The following PRR16 variants were observed in gnomAD, a reference collection of about 807,000 sequenced individuals.
PRR16 encodes protein Largen.
Under a neutral mutation model 18.2 loss-of-function variants are expected in PRR16, and 6 were observed. The ratio of observed to expected loss-of-function variants is 0.33; its 90% CI spans 0.18 to 0.65. The LOEUF (loss-of-function observed/expected upper bound fraction) is 0.65. Among genes scored for constraint, PRR16 ranks in the 30% least tolerant of loss-of-function variants. The pLI, the probability that PRR16 is intolerant of heterozygous loss-of-function variation, is 0.74. For synonymous variants in PRR16, 151 were observed against 147.8 expected (o/e 1.02, Z -0.16); for missense variants, 412 against 376.6 (o/e 1.09, Z -0.78).
the PRR16 span, among the ~76,000 whole-genome samples, chr5:120,761,618 A>G: frequency 6.6e-6 from 1 of 152,182 alleles, no homozygotes; most frequent in Non-Finnish European, 1.5e-5. Context: ...ATATTTGTAC[A>G]TACTAATGTG....
At chr5:120,681,690 A>G (rs940801524) in intron 1 of PRR16, among the ~76,000 whole-genome samples, 3 of 152,152 alleles carry the variant, frequency 2.0e-5, no homozygotes, top group Non-Finnish European at 4.4e-5. Context: ...TTTGTTGTCT[A>G]AAAATGTCTA....
intron 1 of PRR16, among the ~76,000 whole-genome samples, chr5:120,676,463 A>G (rs1756800369): frequency 6.6e-6 from 1 of 151,868 alleles, no homozygotes; most frequent in African/African-American, 2.4e-5. Flanking sequence ...TTGGGTCTCT[A>G]ACAACATCAA....
In PRR16 at chr5:120,627,630, A is replaced by T. The variant is rs991054739; in HGVS notation, c.160-58324A>T. On this transcript the variant is annotated intron_variant, in intron 1 of 1. Transcript: ENST00000407149. The stretch of plus-strand genomic sequence containing the variant: ...CTGGGCTTTAAGCTTTGTGAAAAAA[A>T]ATAGGAAAGTATTATAGATTATTTA... 5.3e-5 allele frequency among the ~76,000 whole-genome samples: 8 copies of T among 152,106 alleles called. No individual in the cohort carries two copies. In the East Asian group the frequency reaches 9.6e-4, roughly 18 times the overall value.
chr5:120,626,720 CA>C (rs1418079080), intron 1 of PRR16, among the ~76,000 whole-genome samples: 3 of 152,034 alleles, frequency 2.0e-5, no homozygotes, highest in African/African-American at 7.2e-5. Context: ...TTAAATTTTA[CA>C]ATTCATTGTA....
In PRR16 at chr5:120,521,171, A is replaced by G. The variant is rs753453109; in HGVS notation, c.159+56526A>G. 1.1e-3 allele frequency among the ~76,000 whole-genome samples: 164 copies of G among 152,290 alleles called. 1 individual carries two copies. The highest frequency in any genetic ancestry group is 1.9e-3 in the Non-Finnish European group (128 of 68,018). ...CAAACCAAGGATACAGGATTCCCCA[A>G]TGAAAGGAGCATAACCTTGGATGAG... On this transcript the variant is annotated intron_variant, in intron 1 of 1. Coordinates refer to ENST00000407149, the MANE Select transcript of PRR16 (RefSeq NM_001300783.2).
At chr5:120,523,579 A>T (rs953319937) in intron 1 of PRR16, among the ~76,000 whole-genome samples, 2 of 152,130 alleles carry the variant, frequency 1.3e-5, no homozygotes, top group African/African-American at 4.8e-5. Flanking sequence ...AGAAAAAATT[A>T]TTTTAAATTC....
At chr5:120,656,580 CA>C (rs1755986182) in intron 1 of PRR16, among the ~76,000 whole-genome samples, 1 of 151,136 alleles carries the variant, frequency 6.6e-6, no homozygotes, top group South Asian at 2.1e-4. Flanking sequence ...TTAGTTGTGA[CA>C]AAAAATATGC....
At chr5:120,764,366 A>G in the PRR16 span, among the ~76,000 whole-genome samples, 1 of 151,952 alleles carries the variant, frequency 6.6e-6, no homozygotes, top group African/African-American at 2.4e-5. Flanking sequence ...CACATTTATC[A>G]ATTTGTCTAT....
At chr5:120,502,200 T>A (rs1396878423) in intron 1 of PRR16, among the ~76,000 whole-genome samples, 1 of 151,008 alleles carries the variant, frequency 6.6e-6, no homozygotes, top group Non-Finnish European at 1.5e-5. Context: ...AAATTTTAAA[T>A]AAAAGAGTAT....
the PRR16 span, among the ~76,000 whole-genome samples, chr5:120,694,664 G>A: frequency 8.3e-4 from 118 of 141,966 alleles, no homozygotes; most frequent in South Asian, 2.7e-3. Context: ...CAGCCTGGGC[G>A]ACAGCGAGAC....
chr5:120,560,181 T>G (rs1337372740), intron 1 of PRR16, among the ~76,000 whole-genome samples: 1 of 151,828 alleles, frequency 6.6e-6, no homozygotes, highest in Non-Finnish European at 1.5e-5. Context: ...TGTTGAATAA[T>G]GGTGGTGAAT....
Position 120,686,133 on chromosome 5 carries a change from C to A in PRR16, c.339C>A (p.Ile113=). 1 of 1,614,136 alleles carries A rather than the reference C, an allele frequency of 6.2e-7. No individual in the cohort carries two copies. Among genetic ancestry groups the A allele is most frequent in the South Asian group, 1.1e-5 (1 of 91,082 alleles). ...AACCCCCAGCACACCCGTCTGCTATCCTCACGGTCCTGAGAAAGCCAAACC... is the reference window on the plus strand; with the variant it reads ...AACCCCCAGCACACCCGTCTGCTATACTCACGGTCCTGAGAAAGCCAAACC... The part of the protein sequence containing the change: ...LIKPPAHPSA[I]LTVLRKPNPP... The change falls in exon 2 of 2, where the codon ATC becomes ATA. Residue 113 remains isoleucine (I), a synonymous_variant. Transcript: ENST00000407149.
chr5:120,698,745 T>G, the PRR16 span, among the ~76,000 whole-genome samples: 1 of 152,104 alleles, frequency 6.6e-6, no homozygotes, highest in African/African-American at 2.4e-5. Context: ...GGTAAAAGTA[T>G]TGTCCAGTCC....
At chr5:120,794,472 T>G in the PRR16 span, among the ~76,000 whole-genome samples, 1 of 152,168 alleles carries the variant, frequency 6.6e-6, no homozygotes, top group African/African-American at 2.4e-5. Context: ...TATTATTATA[T>G]GTGTTATGGT....
intron 1 of PRR16, among the ~76,000 whole-genome samples, chr5:120,478,257 C>T (rs1331922837): frequency 6.6e-6 from 1 of 152,134 alleles, no homozygotes; most frequent in Non-Finnish European, 1.5e-5. Flanking sequence ...AGAGAAGGAA[C>T]AAGAAATAGA....
intron 1 of PRR16, among the ~76,000 whole-genome samples, chr5:120,652,221 C>T (rs1173005103): frequency 5.3e-5 from 8 of 151,670 alleles, no homozygotes; most frequent in African/African-American, 1.9e-4. Flanking sequence ...GAAATATTTG[C>T]AATGGTGTCT....
chr5:120,728,472 A>G, the PRR16 span, among the ~76,000 whole-genome samples: 4 of 152,220 alleles, frequency 2.6e-5, no homozygotes, highest in African/African-American at 9.6e-5. Context: ...AAGTGATGTT[A>G]AGGGTATTTT....
At chr5:120,526,295 C>T (rs1328700990) in intron 1 of PRR16, among the ~76,000 whole-genome samples, 1 of 152,154 alleles carries the variant, frequency 6.6e-6, no homozygotes, top group Admixed American at 6.5e-5. Context: ...AGTAAGAACA[C>T]GAATTAGGGC....
At chr5:120,651,208 A>C (rs941900247) in intron 1 of PRR16, among the ~76,000 whole-genome samples, 15 of 151,942 alleles carry the variant, frequency 9.9e-5, no homozygotes, top group Non-Finnish European at 1.8e-4. Context: ...GTTTGAGTTC[A>C]TTGTAGATTC....
Sources: allele counts gnomAD v4.1 joint callset (sites outside exome capture counted in the v4.1 genomes callset), GRCh38; gene constraint gnomAD v4.1.1; transcripts MANE v1.5; gene names NCBI Gene and HGNC (gene_info 2026-07-23, HGNC 2026-07-21).